KIF25: variants seen among roughly 807,000 people sequenced by gnomAD.
The protein encoded by KIF25 is kinesin-like protein KIF25.
In KIF25, 19 loss-of-function variants were observed where a neutral mutation model predicts 32.9. The observed-to-expected ratio is 0.58, with a 90% CI of 0.40 to 0.85. The LOEUF is 0.85. Among genes scored for constraint, KIF25 ranks in the 40% least tolerant of loss-of-function variants. The pLI, the probability that KIF25 is intolerant of heterozygous loss-of-function variation, is 0.00. For synonymous variants in KIF25, 225 were observed against 213.7 expected, an observed-to-expected ratio of 1.05 and a Z score of -0.46; for missense variants, 485 against 507.0, an observed-to-expected ratio of 0.96 and a Z score of 0.42.
intron 5 of KIF25, among the ~76,000 whole-genome samples, chr6:168,020,276 A>G (rs1346052466): frequency 6.6e-6 from 1 of 152,212 alleles, no homozygotes; most frequent in African/African-American, 2.4e-5. Context: ...ATACAGGACC[A>G]GCACCTCTAA....
Position 168,041,991 on chromosome 6 carries a change from C to G in KIF25, c.669C>G (p.Thr223=), listed in dbSNP as rs1407659839. 6.4e-6 allele frequency: 10 copies of G among 1,551,908 alleles called. No individual in the cohort carries two copies. The East Asian group carries it at 2.4e-4, about 38-fold the overall frequency. Residue 223 remains threonine (T), a synonymous_variant, in exon 11 of 13, where the codon ACC becomes ACG. Coordinates refer to ENST00000643607, the MANE Select transcript of KIF25 (RefSeq NM_030615.4). Reference sequence around the variant, plus strand: ...CAGCAGACCAAGCCTGCAGTGCCACCCTCCCCAGGGAGCAAACAGAGGCAG... The same window carrying G: ...CAGCAGACCAAGCCTGCAGTGCCACGCTCCCCAGGGAGCAAACAGAGGCAG... ...DSTADQACSA[T]LPREQTEAGR... is the part of the protein sequence containing the mutation.
In KIF25 at chr6:168,044,822, T is replaced by C; in HGVS notation, c.986-5T>C. On this transcript the variant is annotated splice_polypyrimidine_tract_variant and splice_region_variant and intron_variant, in intron 12 of 12. Transcript: ENST00000643607. ...CAGCTTGCATGTTGTTTTTCTATTT[T>C]AAAGGAGGCGATGCGAAGTTACTGG... The C allele has an allele frequency of 6.3e-7, 1 of 1,576,566 alleles. No individual in the cohort carries two copies. The highest frequency in any genetic ancestry group is 8.6e-7 in the Non-Finnish European group (1 of 1,158,746).
intron 4 of KIF25, among the ~76,000 whole-genome samples, chr6:168,007,962 G>A (rs1037057175): frequency 1.3e-5 from 2 of 152,176 alleles, no homozygotes; most frequent in Non-Finnish European, 2.9e-5. Context: ...GGGCCCACAG[G>A]CCCTACTGCA....
At position 168,045,008 on chromosome 6, in the gene KIF25, A is replaced by C. The variant is rs201202103; in HGVS notation, c.*12A>C. The C allele has an allele frequency of 3.1e-4, 488 of 1,577,752 alleles. 3 individuals carry two copies. The highest frequency in any genetic ancestry group is 1.6e-4 in the Non-Finnish European group (188 of 1,159,912). ...GGAGGCCGGATTGAATGCATTAACA[A>C]GTTTTTCTCCTAAAACTGTGTTTCT... On this transcript the variant is annotated 3_prime_UTR_variant, in exon 13 of 13. Coordinates refer to ENST00000643607, the MANE Select transcript of KIF25 (RefSeq NM_030615.4).
At chr6:168,009,566 C>G (rs1289529097) in intron 4 of KIF25, among the ~76,000 whole-genome samples, 1 of 152,026 alleles carries the variant, frequency 6.6e-6, no homozygotes, top group East Asian at 1.9e-4. Context: ...GTTTTGGTAT[C>G]CCGGTTATGC....
intron 12 of KIF25, 62 bp downstream of exon 12, chr6:168,042,778 C>G: frequency 6.5e-7 from 1 of 1,531,044 alleles, no homozygotes; most frequent in Non-Finnish European, 8.8e-7. Flanking sequence ...CATGTGCACA[C>G]ACTTCTGGCC....
At chr6:167,999,064 A>C (rs1798460934) in intron 1 of KIF25, 28 bp from the exon 2 acceptor site, 1 of 152,180 alleles carries the variant, frequency 6.6e-6, no homozygotes, top group Non-Finnish European at 1.5e-5. Flanking sequence ...AAAATAAATA[A>C]ATAAAATAAC....
Position 168,040,186 on chromosome 6 carries a change from C to G in KIF25, c.616C>G (p.Leu206Val), listed in dbSNP as rs761129605. 10 of 1,613,662 alleles carry G rather than the reference C, an allele frequency of 6.2e-6. No homozygotes were observed. Among genetic ancestry groups the G allele is most frequent in the East Asian group, 4.5e-5 (2 of 44,894 alleles). ...SRSHLIITVT[L>V]TTASCSDSTA... ...GTCTCACCTGATAATTACGGTGACT[C>G]TAACCACAGCCTCCTGCTCTGACAG... Residue 206 changes from leucine to valine, a missense_variant, in exon 10 of 13, where the codon CTA becomes GTA. This residue lies in a region of KIF25 where 480 missense variants were observed against 470.3 expected (regional missense o/e 1.02). Transcript: ENST00000643607.
At chr6:168,014,621 G>A (rs1427421996) in intron 4 of KIF25, among the ~76,000 whole-genome samples, 1 of 152,186 alleles carries the variant, frequency 6.6e-6, no homozygotes, top group Non-Finnish European at 1.5e-5. Context: ...AGTCTAAAGA[G>A]AGTTTGAGTT....
At chr6:168,025,203 C>T (rs571646882) in intron 5 of KIF25, among the ~76,000 whole-genome samples, 7 of 152,284 alleles carry the variant, frequency 4.6e-5, no homozygotes, top group South Asian at 2.1e-4. Flanking sequence ...ATCAGAGACG[C>T]GGGGACGCTC....
rs368096529 is a variant in KIF25 at position 168,038,743 on chromosome 6, C to T, written c.494+14C>T. The stretch of plus-strand genomic sequence containing the variant: ...GCTGGCCTCTGAGTGAGTACTGCAC[C>T]TGCCCCGTGCTGCTGGCCTCTGAGT... On this transcript the variant is annotated intron_variant, in intron 9 of 12. Transcript: ENST00000643607. 3 of 1,608,548 alleles carry T rather than the reference C, an allele frequency of 1.9e-6. No individual in the cohort carries two copies. Among genetic ancestry groups the T allele is most frequent in the South Asian group, 1.1e-5 (1 of 90,814 alleles).
intron 4 of KIF25, among the ~76,000 whole-genome samples, chr6:168,014,853 A>G (rs1451082804): frequency 2.0e-5 from 3 of 152,184 alleles, no homozygotes; most frequent in African/African-American, 4.8e-5. Flanking sequence ...CTGGCTTTGT[A>G]TCAAGTTCTT....
At position 168,038,170 on chromosome 6, in the gene KIF25, T is replaced by C. The variant is rs1269417770; in HGVS notation, c.318-383T>C. 2.0e-5 allele frequency among the ~76,000 whole-genome samples: 3 copies of C among 152,222 alleles called. No individual in the cohort carries two copies. In the East Asian group the frequency reaches 5.8e-4, roughly 29 times the overall value. ...ACAAACCCCATCACTGGAGAAGTGCTAGAGTCCTGAACATCCTTGCAGCTT... is the reference window on the plus strand; with the variant it reads ...ACAAACCCCATCACTGGAGAAGTGCCAGAGTCCTGAACATCCTTGCAGCTT... On this transcript the variant is annotated intron_variant, in intron 8 of 12. Transcript: ENST00000643607.
chr6:168,016,674 G>T (rs1444151116), intron 4 of KIF25, among the ~76,000 whole-genome samples: 3 of 152,248 alleles, frequency 2.0e-5, no homozygotes, highest in Non-Finnish European at 4.4e-5. Context: ...TTTGGCTTCG[G>T]TGACTTCATC....
chr6:168,027,931 G>A (rs758150084), intron 5 of KIF25, among the ~76,000 whole-genome samples: 2 of 152,048 alleles, frequency 1.3e-5, no homozygotes, highest in Admixed American at 6.6e-5. Context: ...TTAAGCCGCC[G>A]CTACTTTCTC....
Position 168,042,037 on chromosome 6 carries a change from A to G in KIF25, c.715A>G (p.Arg239Gly). The change falls in exon 11 of 13, where the codon AGA becomes GGA. Residue 239 changes from arginine to glycine, a missense_variant. Physicochemically the swap from Arg to Gly is moderately radical, Grantham distance 125 (BLOSUM62 -2). Around this residue, in one of 2 missense-constraint regions of KIF25, gnomAD observed 480 missense variants for 470.3 expected, o/e 1.02. Coordinates refer to ENST00000643607, the MANE Select transcript of KIF25 (RefSeq NM_030615.4). ...GGCAGGAAGGGCAGGAAGGAGCCGC[A>G]GAGCTTCTCAAGGGGCCTTGGCTCC... ...TEAGRAGRSRRASQGALAPQL... is the reference protein window; with the variant it reads ...TEAGRAGRSRGASQGALAPQL... 6.4e-7 allele frequency: 1 copy of G among 1,551,500 alleles called. No individual in the cohort carries two copies. Among genetic ancestry groups the G allele is most frequent in the Non-Finnish European group, 8.7e-7 (1 of 1,147,144 alleles).
At chr6:168,023,646 T>C (rs1015264805) in intron 5 of KIF25, among the ~76,000 whole-genome samples, 1 of 151,734 alleles carries the variant, frequency 6.6e-6, no homozygotes, top group African/African-American at 2.4e-5. Flanking sequence ...AAGTAATCCA[T>C]CCGCCTCAGC....
intron 4 of KIF25, among the ~76,000 whole-genome samples, chr6:168,007,741 G>T (rs1176155503): frequency 6.6e-6 from 1 of 151,922 alleles, no homozygotes; most frequent in Non-Finnish European, 1.5e-5. Context: ...TTTCCTGATG[G>T]CTCCCGTTGT....
At chr6:168,018,671 C>T (rs188733408) in intron 5 of KIF25, among the ~76,000 whole-genome samples, 1 of 152,292 alleles carries the variant, frequency 6.6e-6, no homozygotes, top group East Asian at 1.9e-4. Context: ...GGTAGGAGAG[C>T]CCCGGAAGGC....
Sources: allele counts gnomAD v4.1 joint callset (sites outside exome capture counted in the v4.1 genomes callset), GRCh38; gene constraint gnomAD v4.1.1; regional missense constraint gnomAD v4.1.1; transcripts MANE v1.5; gene names NCBI Gene and HGNC (gene_info 2026-07-23, HGNC 2026-07-21).